The following GRID1 variants were observed in gnomAD, a reference collection of about 807,000 sequenced individuals.
GRID1 encodes the protein glutamate ionotropic receptor delta type subunit 1.
GRID1 carries 28 observed loss-of-function variants against 98.0 expected under a neutral mutation model. The observed-to-expected ratio is 0.29, with a 90% CI of 0.21 to 0.39. The LOEUF is 0.39. GRID1 is among the 10% of genes least tolerant of loss of function. The pLI is 1.00. For synonymous variants in GRID1, 553 were observed against 538.5 expected (o/e 1.03, Z -0.37); for missense variants, 1,111 against 1,340.5 (o/e 0.83, Z 2.67).
chr10:85,641,584 T>G (rs1390365644), intron 13 of GRID1, among the ~76,000 whole-genome samples: 1 of 152,218 alleles, frequency 6.6e-6, no homozygotes, highest in East Asian at 1.9e-4. Context: ...ATGCCACTAA[T>G]TACTCACATC....
intron 5 of GRID1, among the ~76,000 whole-genome samples, chr10:85,895,653 T>C (rs1322034179): frequency 6.6e-6 from 1 of 152,192 alleles, no homozygotes; most frequent in Non-Finnish European, 1.5e-5. Flanking sequence ...AAAAACCTAA[T>C]GGTTAACAGA....
At chr10:86,306,143 T>C (rs762771566) in intron 2 of GRID1, among the ~76,000 whole-genome samples, 2 of 152,206 alleles carry the variant, frequency 1.3e-5, no homozygotes, top group African/African-American at 2.4e-5. Flanking sequence ...AACCCTTTAG[T>C]CAAGGCTTTG....
intron 4 of GRID1, among the ~76,000 whole-genome samples, chr10:85,925,230 A>G (rs1392824335): frequency 6.6e-6 from 1 of 152,192 alleles, no homozygotes. Flanking sequence ...TTGTTCTTAC[A>G]GGCATTCAGG....
chr10:86,155,619 G>A (rs1160148344), intron 3 of GRID1, among the ~76,000 whole-genome samples: 1 of 152,224 alleles, frequency 6.6e-6, no homozygotes, highest in Non-Finnish European at 1.5e-5. Context: ...GGTTAGCACA[G>A]GTTCCTGGGG....
At chr10:86,121,275 A>T (rs1429321930) in intron 4 of GRID1, among the ~76,000 whole-genome samples, 2 of 150,746 alleles carry the variant, frequency 1.3e-5, no homozygotes, top group African/African-American at 4.9e-5. Flanking sequence ...TTGCAATTTC[A>T]TTCTGCACCT....
intron 8 of GRID1, among the ~76,000 whole-genome samples, chr10:85,755,619 C>T (rs976115042): frequency 6.6e-6 from 1 of 152,138 alleles, no homozygotes; most frequent in Non-Finnish European, 1.5e-5. Flanking sequence ...GCTCTGCTGG[C>T]GTGAGAGCGT....
At chr10:85,770,096 C>T (rs1273950508) in intron 8 of GRID1, among the ~76,000 whole-genome samples, 4 of 152,186 alleles carry the variant, frequency 2.6e-5, no homozygotes, top group African/African-American at 7.2e-5. Flanking sequence ...CAGACTGACA[C>T]CTCACACGGC....
intron 4 of GRID1, among the ~76,000 whole-genome samples, chr10:86,042,283 C>A (rs1170465495): frequency 6.6e-6 from 1 of 152,208 alleles, no homozygotes; most frequent in Non-Finnish European, 1.5e-5. Flanking sequence ...GAGAAGTCAG[C>A]CTGGCCTGAT....
intron 4 of GRID1, among the ~76,000 whole-genome samples, chr10:86,102,036 C>T (rs190794943): frequency 9.8e-5 from 15 of 152,316 alleles, no homozygotes; most frequent in East Asian, 5.8e-4. Context: ...ATTCTGAGAA[C>T]GAATATTTCT....
chr10:85,807,356 T>TAA (rs538214395), intron 8 of GRID1, among the ~76,000 whole-genome samples: 1 of 109,774 alleles, frequency 9.1e-6, no homozygotes, highest in African/African-American at 3.2e-5. Flanking sequence ...TCTCCTCAAA[T>TAA]AAAAAAAAAA....
At chr10:85,881,236 C>T (rs1272648003) in intron 5 of GRID1, among the ~76,000 whole-genome samples, 1 of 151,986 alleles carries the variant, frequency 6.6e-6, no homozygotes, top group African/African-American at 2.4e-5. Context: ...CCCCATCAAG[C>T]TACCAATGAC....
At chr10:85,633,305 T>C (rs943444858) in intron 13 of GRID1, among the ~76,000 whole-genome samples, 3 of 152,198 alleles carry the variant, frequency 2.0e-5, no homozygotes, top group Admixed American at 2.0e-4. Context: ...CAGGAGCCCA[T>C]TAATTTTCCC....
intron 4 of GRID1, among the ~76,000 whole-genome samples, chr10:86,134,282 C>T (rs1414338968): frequency 6.6e-6 from 1 of 152,252 alleles, no homozygotes; most frequent in Non-Finnish European, 1.5e-5. Flanking sequence ...TAGGGTTCCT[C>T]ATCCATAGGA....
intron 4 of GRID1, among the ~76,000 whole-genome samples, chr10:86,079,632 A>G (rs1477249789): frequency 1.3e-5 from 2 of 152,206 alleles, no homozygotes; most frequent in East Asian, 3.9e-4. Context: ...CCCAGCACCA[A>G]CCCTGGGTGC....
At chr10:85,959,634 T>G (rs556882244) in intron 4 of GRID1, among the ~76,000 whole-genome samples, 4 of 150,652 alleles carry the variant, frequency 2.7e-5, no homozygotes, top group African/African-American at 9.7e-5. Context: ...CATAAGGTAC[T>G]CTTTTTCCGG....
At chr10:85,837,560 T>C (rs751048113) in intron 8 of GRID1, among the ~76,000 whole-genome samples, 55 of 151,426 alleles carry the variant, frequency 3.6e-4, no homozygotes, top group East Asian at 1.9e-4. Context: ...CCTGAAAATC[T>C]CCCAGAAATA....
chr10:86,140,255 G>T (rs2131973054), intron 3 of GRID1, among the ~76,000 whole-genome samples: 1 of 152,284 alleles, frequency 6.6e-6, no homozygotes. Flanking sequence ...GATACTCTAG[G>T]TCTGCCCAGA....
At chr10:85,883,825 G>A (rs1441747610) in intron 5 of GRID1, among the ~76,000 whole-genome samples, 1 of 152,068 alleles carries the variant, frequency 6.6e-6, no homozygotes, top group Non-Finnish European at 1.5e-5. Context: ...TATCAGTTCT[G>A]AAGAAAACTC....
At chr10:86,335,759 C>A (rs905270753) in intron 2 of GRID1, among the ~76,000 whole-genome samples, 8 of 152,208 alleles carry the variant, frequency 5.3e-5, no homozygotes, top group Admixed American at 1.3e-4. Context: ...GATGCCCAGC[C>A]AATGGCCATG....
Sources: gnomAD v4.1 joint callset for allele counts (sites outside exome capture counted in the v4.1 genomes callset) on GRCh38, gnomAD v4.1.1 for gene constraint, MANE v1.5 for transcripts, NCBI Gene and HGNC (gene_info 2026-07-23, HGNC 2026-07-21) for gene names.